DCC: variants seen among roughly 807,000 people sequenced by gnomAD.
The protein encoded by DCC is DCC netrin 1 receptor.
Under a neutral mutation model 172.5 loss-of-function variants are expected in DCC, and 58 were observed. The ratio of observed to expected loss-of-function variants is 0.34; its 90% CI spans 0.27 to 0.42. The LOEUF (loss-of-function observed/expected upper bound fraction) is 0.42. Among genes scored for constraint, DCC ranks in the 10% least tolerant of loss-of-function variants. The pLI, the probability that DCC is intolerant of heterozygous loss-of-function variation, is 1.00. For synonymous variants in DCC, 709 were observed against 644.5 expected (o/e 1.10, Z -1.52); for missense variants, 1,740 against 1,791.0 (o/e 0.97, Z 0.51).
intron 1 of DCC, among the ~76,000 whole-genome samples, chr18:52,543,346 C>G (rs546680816): frequency 4.6e-5 from 7 of 152,010 alleles, no homozygotes; most frequent in Non-Finnish European, 8.8e-5. Context: ...TTCTACTAAG[C>G]CTTCAAAATT....
chr18:52,433,466 A>G (rs1987689886), intron 1 of DCC, among the ~76,000 whole-genome samples: 1 of 152,166 alleles, frequency 6.6e-6, no homozygotes, highest in Non-Finnish European at 1.5e-5. Context: ...AGTGCTCTTT[A>G]TAATACATCA....
At chr18:52,344,764 C>T (rs1028137742) in intron 1 of DCC, among the ~76,000 whole-genome samples, 1 of 139,262 alleles carries the variant, frequency 7.2e-6, no homozygotes, top group African/African-American at 2.6e-5. Context: ...ATTTGCCATC[C>T]CAAACTTTGC....
chr18:52,960,427 C>A (rs982837985), intron 5 of DCC, among the ~76,000 whole-genome samples: 3 of 152,062 alleles, frequency 2.0e-5, no homozygotes, highest in African/African-American at 7.2e-5. Context: ...TTTAATGTTG[C>A]TTTAGGCCTG....
chr18:52,460,499 T>A (rs1988597743), intron 1 of DCC, among the ~76,000 whole-genome samples: 1 of 152,170 alleles, frequency 6.6e-6, no homozygotes, highest in Non-Finnish European at 1.5e-5. Context: ...ATCTTTCTGA[T>A]CTCTAACATA....
At chr18:53,019,670 T>G (rs990630304) in intron 5 of DCC, among the ~76,000 whole-genome samples, 1 of 152,170 alleles carries the variant, frequency 6.6e-6, no homozygotes, top group African/African-American at 2.4e-5. Context: ...TTTATCTGAT[T>G]TTTTAGACCG....
intron 12 of DCC, among the ~76,000 whole-genome samples, chr18:53,276,708 C>G (rs999628855): frequency 1.1e-4 from 17 of 152,048 alleles, no homozygotes; most frequent in African/African-American, 4.1e-4. Flanking sequence ...CTCATGCCTT[C>G]TTGAGTAGAA....
chr18:52,701,736 T>G (rs536357580), intron 1 of DCC, among the ~76,000 whole-genome samples: 1 of 152,170 alleles, frequency 6.6e-6, no homozygotes, highest in African/African-American at 2.4e-5. Flanking sequence ...CACCTCTTCC[T>G]ATCCTCTACC....
At chr18:52,572,634 G>A (rs1281357532) in intron 1 of DCC, among the ~76,000 whole-genome samples, 1 of 152,136 alleles carries the variant, frequency 6.6e-6, no homozygotes, top group Non-Finnish European at 1.5e-5. Context: ...AGAGGGAGTG[G>A]GGCCCTGCCC....
intron 24 of DCC, among the ~76,000 whole-genome samples, chr18:53,463,029 C>T (rs187381093): frequency 2.4e-4 from 36 of 152,356 alleles, no homozygotes; most frequent in Non-Finnish European, 4.7e-4. Context: ...AACAGGCTTT[C>T]GCCTGGGGAG....
At chr18:52,611,400 CAT>C (rs1226343707) in intron 1 of DCC, among the ~76,000 whole-genome samples, 1 of 152,142 alleles carries the variant, frequency 6.6e-6, no homozygotes, top group Non-Finnish European at 1.5e-5. Flanking sequence ...CACTCTCACA[CAT>C]GTTTTTCAGT....
At chr18:52,613,184 G>A (rs2144844304) in intron 1 of DCC, among the ~76,000 whole-genome samples, 1 of 152,286 alleles carries the variant, frequency 6.6e-6, no homozygotes, top group East Asian at 1.9e-4. Flanking sequence ...GATCACAACA[G>A]ATCTGTGATA....
intron 12 of DCC, among the ~76,000 whole-genome samples, chr18:53,286,266 A>T (rs2056934369): frequency 6.6e-6 from 1 of 152,096 alleles, no homozygotes; most frequent in Non-Finnish European, 1.5e-5. Context: ...CACAATTCCC[A>T]CATGTTATGG....
At chr18:53,073,095 C>A (rs12457530) in intron 7 of DCC, among the ~76,000 whole-genome samples, 2 of 152,066 alleles carry the variant, frequency 1.3e-5, no homozygotes, top group Non-Finnish European at 2.9e-5. Flanking sequence ...AGCATGGTTT[C>A]TTTTATTCAT....
intron 1 of DCC, among the ~76,000 whole-genome samples, chr18:52,447,202 C>T (rs1413393887): frequency 2.6e-5 from 4 of 152,144 alleles, no homozygotes; most frequent in East Asian, 1.9e-4. Context: ...GATAACCCCC[C>T]GTCTTAGTCG....
rs150309524 is a variant in DCC at position 52,434,881 on chromosome 18, C to T, written c.91+94003C>T. Among the ~76,000 whole-genome samples the T allele has an allele frequency of 1.7e-3, 262 of 152,314 alleles. 6 individuals are homozygous for T. In the East Asian group the frequency reaches 0.041, roughly 24 times the overall value. On this transcript the variant is annotated intron_variant, in intron 1 of 28. Coordinates refer to ENST00000442544, the MANE Select transcript of DCC (RefSeq NM_005215.4). ...CGATAACATTGTCTGTACCCCCAGA[C>T]CACAGCATATATTCCTCATACCAGT...
At chr18:52,699,627 A>G (rs765000667) in intron 1 of DCC, among the ~76,000 whole-genome samples, 3 of 152,162 alleles carry the variant, frequency 2.0e-5, no homozygotes, top group Non-Finnish European at 2.9e-5. Flanking sequence ...GATCAGACCC[A>G]ATGTCCATGG....
intron 5 of DCC, among the ~76,000 whole-genome samples, chr18:53,000,968 G>A (rs1366840382): frequency 1.3e-5 from 2 of 151,890 alleles, no homozygotes; most frequent in African/African-American, 4.8e-5. Flanking sequence ...GCATCTGTGT[G>A]ATAGGCGTGA....
intron 1 of DCC, among the ~76,000 whole-genome samples, chr18:52,505,300 C>A (rs1405852150): frequency 2.6e-5 from 4 of 152,072 alleles, no homozygotes; most frequent in Non-Finnish European, 1.5e-5. Flanking sequence ...TTTAGAAAAT[C>A]CCATGAGTTA....
intron 7 of DCC, among the ~76,000 whole-genome samples, chr18:53,079,047 CTG>C (rs2144129100): frequency 6.6e-6 from 1 of 152,206 alleles, no homozygotes; most frequent in East Asian, 1.9e-4. Flanking sequence ...GCAGAACAAA[CTG>C]TTTTGAACAA....
Sources: allele counts gnomAD v4.1 joint callset (sites outside exome capture counted in the v4.1 genomes callset), GRCh38; gene constraint gnomAD v4.1.1; transcripts MANE v1.5; gene names NCBI Gene and HGNC (gene_info 2026-07-23, HGNC 2026-07-21).